PLXNA2: variants seen among roughly 807,000 people sequenced by gnomAD.
The protein encoded by PLXNA2 is plexin A2.
PLXNA2 carries 91 observed loss-of-function variants against 193.5 expected under a neutral mutation model. That is an observed-to-expected ratio of 0.47 (90% CI 0.40 to 0.56). The LOEUF (loss-of-function observed/expected upper bound fraction) is 0.56. PLXNA2 is among the 20% of genes least tolerant of loss of function. The pLI is 0.00. For synonymous variants in PLXNA2, 997 were observed against 1,027.3 expected (o/e 0.97, Z 0.56); for missense variants, 1,995 against 2,503.2 (o/e 0.80, Z 4.33).
At chr1:208,132,607 T>C (rs947816489) in intron 4 of PLXNA2, among the ~76,000 whole-genome samples, 1 of 152,184 alleles carries the variant, frequency 6.6e-6, no homozygotes, top group Non-Finnish European at 1.5e-5. Context: ...AAATATTAGT[T>C]AGATTTCAAC....
intron 13 of PLXNA2, among the ~76,000 whole-genome samples, chr1:208,055,089 G>A (rs1014833667): frequency 2.0e-5 from 3 of 152,056 alleles, no homozygotes; most frequent in Non-Finnish European, 2.9e-5. Flanking sequence ...CCTGCAGAAC[G>A]GGAGGGGTGG....
At chr1:208,096,265 C>A (rs902991708) in intron 7 of PLXNA2, 140 bp from the exon 8 acceptor site, 1 of 674,714 alleles carries the variant, frequency 1.5e-6, no homozygotes. Context: ...CTGCCTGAAT[C>A]GTCTCTTCTC....
At chr1:208,088,797 A>T (rs1666618392) in intron 9 of PLXNA2, among the ~76,000 whole-genome samples, 1 of 152,238 alleles carries the variant, frequency 6.6e-6, no homozygotes, top group African/African-American at 2.4e-5. Context: ...AAGTGGTAAT[A>T]TGCTGGATTG....
intron 12 of PLXNA2, among the ~76,000 whole-genome samples, chr1:208,072,285 A>G (rs2102369212): frequency 6.6e-6 from 1 of 152,322 alleles, no homozygotes; most frequent in East Asian, 1.9e-4. Context: ...CATTGGAGAA[A>G]CAGCTGTTAA....
rs987923853 is a variant in PLXNA2 at position 208,124,262 on chromosome 1, T to C, written c.1506+18067A>G. 1.2e-4 allele frequency among the ~76,000 whole-genome samples: 18 copies of C among 152,052 alleles called. 1 individual carries two copies. Among genetic ancestry groups the C allele is most frequent in the African/African-American group, 3.6e-4 (15 of 41,368 alleles). Reference sequence around the variant, plus strand: ...GGGAGAGGAGCAGAAAAAACAACTATTGGGTACTAGGCTTAGTACCTGGGT... The same window carrying C: ...GGGAGAGGAGCAGAAAAAACAACTACTGGGTACTAGGCTTAGTACCTGGGT... On this transcript the variant is annotated intron_variant, in intron 4 of 31. Transcript: ENST00000367033.
chr1:208,094,444 T>A (rs1455048342), intron 8 of PLXNA2, among the ~76,000 whole-genome samples: 1 of 152,226 alleles, frequency 6.6e-6, no homozygotes, highest in Non-Finnish European at 1.5e-5. Flanking sequence ...GCTTTTTTTT[T>A]TTCTGTTAAA....
At chr1:208,115,590 C>T (rs1042948999) in intron 4 of PLXNA2, among the ~76,000 whole-genome samples, 2 of 152,136 alleles carry the variant, frequency 1.3e-5, no homozygotes, top group Non-Finnish European at 2.9e-5. Flanking sequence ...TTAGAAAATG[C>T]TAAGCCCTGT....
chr1:208,187,078 C>T (rs886352613), intron 3 of PLXNA2, among the ~76,000 whole-genome samples: 1 of 152,276 alleles, frequency 6.6e-6, no homozygotes, highest in Admixed American at 6.5e-5. Context: ...GGACAAGAGA[C>T]ATTTTTCAGT....
chr1:208,160,835 A>G (rs897528516), intron 3 of PLXNA2, among the ~76,000 whole-genome samples: 3 of 152,260 alleles, frequency 2.0e-5, no homozygotes, highest in Non-Finnish European at 2.9e-5. Flanking sequence ...GCCTTGTACT[A>G]TAATAGACTT....
At chr1:208,186,370 TAA>T (rs1321767981) in intron 3 of PLXNA2, among the ~76,000 whole-genome samples, 1 of 151,840 alleles carries the variant, frequency 6.6e-6, no homozygotes, top group Non-Finnish European at 1.5e-5. Context: ...TGCAAAGGAA[TAA>T]GAGAATCAAC....
Position 208,027,203 on chromosome 1 carries a change from T to G in PLXNA2, c.*40A>C, listed in dbSNP as rs755620438. The G allele has an allele frequency of 4.3e-5, 67 of 1,540,756 alleles. 1 individual carries two copies. The Middle Eastern group carries it at 1.7e-3, about 39-fold the overall frequency. On this transcript the variant is annotated 3_prime_UTR_variant, in exon 32 of 32. Coordinates refer to ENST00000367033, the MANE Select transcript of PLXNA2 (RefSeq NM_025179.4). ...ATCTGAGACTCCCAGTGTGACAGCT[T>G]GGACAGGTCCCTCTTCCCAGGAATG...
At chr1:208,076,249 T>G (rs903489861) in intron 12 of PLXNA2, among the ~76,000 whole-genome samples, 7 of 151,702 alleles carry the variant, frequency 4.6e-5, no homozygotes, top group Non-Finnish European at 7.4e-5. Context: ...AGAATTATTA[T>G]TATTATTTTT....
chr1:208,133,093 C>T (rs1043057012), intron 4 of PLXNA2, among the ~76,000 whole-genome samples: 1 of 152,180 alleles, frequency 6.6e-6, no homozygotes, highest in Non-Finnish European at 1.5e-5. Flanking sequence ...AAATAAAGGG[C>T]TGCTCTTCAC....
intron 12 of PLXNA2, among the ~76,000 whole-genome samples, chr1:208,065,724 G>A (rs565081420): frequency 1.3e-5 from 2 of 152,334 alleles, no homozygotes; most frequent in South Asian, 4.1e-4. Context: ...CCCGAAGCCT[G>A]AGCTTGGGCA....
Position 208,051,332 on chromosome 1 carries a change from C to T in PLXNA2, c.3085G>A (p.Val1029Met). 1 of 1,613,894 alleles carries T rather than the reference C, an allele frequency of 6.2e-7. No individual in the cohort carries two copies. The highest frequency in any genetic ancestry group is 1.7e-5 in the Admixed American group (1 of 59,960). Reference sequence around the variant, plus strand: ...TACTCAAACTGCAGGTTGCTATCCACATGGGCTCGGTCGACACTCACAGAA... The same window carrying T: ...TACTCAAACTGCAGGTTGCTATCCATATGGGCTCGGTCGACACTCACAGAA... ...PVSVSVDRAH[V>M]DSNLQFEYID... Residue 1029 changes from valine to methionine, a missense_variant, in exon 16 of 32, where the codon GTG (valine) becomes ATG (methionine). Coordinates refer to ENST00000367033, the MANE Select transcript of PLXNA2 (RefSeq NM_025179.4).
chr1:208,051,662 A>G (rs893255464), intron 15 of PLXNA2, among the ~76,000 whole-genome samples: 1 of 152,188 alleles, frequency 6.6e-6, no homozygotes, highest in African/African-American at 2.4e-5. Context: ...ATAGGGTTTC[A>G]TGGGCTTCGG....
chr1:208,104,025 C>G (rs1347627885), intron 4 of PLXNA2, among the ~76,000 whole-genome samples: 1 of 152,102 alleles, frequency 6.6e-6, no homozygotes, highest in Non-Finnish European at 1.5e-5. Context: ...AAATAAAGAC[C>G]AGGCAAGGGG....
chr1:208,120,512 T>G (rs1335034456), intron 4 of PLXNA2, among the ~76,000 whole-genome samples: 2 of 152,238 alleles, frequency 1.3e-5, no homozygotes, highest in Non-Finnish European at 2.9e-5. Context: ...GATTGAACTC[T>G]CTGAGACTCC....
intron 3 of PLXNA2, among the ~76,000 whole-genome samples, chr1:208,179,079 TAC>T (rs1669756505): frequency 6.6e-6 from 1 of 152,158 alleles, no homozygotes; most frequent in Non-Finnish European, 1.5e-5. Context: ...GGGCCTGGGC[TAC>T]GGAGAGTCTC....
Sources: allele counts gnomAD v4.1 joint callset (sites outside exome capture counted in the v4.1 genomes callset), GRCh38; gene constraint gnomAD v4.1.1; transcripts MANE v1.5; gene names NCBI Gene and HGNC (gene_info 2026-07-23, HGNC 2026-07-21).